NRXN1: variants seen among roughly 807,000 people sequenced by gnomAD.
NRXN1 encodes neurexin 1.
In NRXN1, 39 loss-of-function variants were observed where a neutral mutation model predicts 150.9. The ratio of observed to expected loss-of-function variants is 0.26; its 90% CI spans 0.20 to 0.34. The LOEUF (loss-of-function observed/expected upper bound fraction) is 0.34, where lower values mean the gene tolerates loss of function less well. NRXN1 is among the 10% of genes least tolerant of loss of function. The probability of loss-of-function intolerance (pLI) is 1.00; values close to 1 mark genes in which losing one functional copy is unlikely to be tolerated. For missense variants in NRXN1, 1,815 were observed against 1,949.9 expected, an observed-to-expected ratio of 0.93 and a Z score of 1.30; for synonymous variants, 924 against 757.0, an observed-to-expected ratio of 1.22 and a Z score of -3.62.
intron 18 of NRXN1, among the ~76,000 whole-genome samples, chr2:50,156,141 T>A (rs1332579911): frequency 1.3e-5 from 2 of 151,862 alleles, no homozygotes; most frequent in East Asian, 3.9e-4. Context: ...CATATTACTT[T>A]TGGAATAAAA....
Position 50,652,583 on chromosome 2 carries a change from T to C in NRXN1, c.833-28968A>G, listed in dbSNP as rs1286044549. Among the ~76,000 whole-genome samples the C allele has an allele frequency of 2.0e-5, 3 of 152,100 alleles. No homozygotes were observed. The East Asian group carries it at 5.8e-4, about 29-fold the overall frequency. On this transcript the variant is annotated intron_variant, in intron 5 of 22. Coordinates refer to ENST00000401669, the MANE Select transcript of NRXN1 (RefSeq NM_001330078.2). Reference sequence around the variant, plus strand: ...TATAGATATACTACATTTTGCTTGCTCACTCATCAGTTGATGCACATCTGT... The same window carrying C: ...TATAGATATACTACATTTTGCTTGCCCACTCATCAGTTGATGCACATCTGT...
intron 8 of NRXN1, among the ~76,000 whole-genome samples, chr2:50,566,650 T>C (rs974755941): frequency 2.0e-5 from 3 of 152,154 alleles, no homozygotes; most frequent in African/African-American, 7.2e-5. Context: ...CTACGTCTCA[T>C]GACAGTCTTA....
chr2:50,107,800 T>C (rs1244895612), intron 18 of NRXN1, among the ~76,000 whole-genome samples: 1 of 151,880 alleles, frequency 6.6e-6, no homozygotes, highest in Non-Finnish European at 1.5e-5. Context: ...TCAATGACCA[T>C]TTGCTATGTT....
chr2:50,645,918 A>G (rs74466633), intron 5 of NRXN1, among the ~76,000 whole-genome samples: 1 of 151,898 alleles, frequency 6.6e-6, no homozygotes, highest in African/African-American at 2.4e-5. Flanking sequence ...ATTCAATTAC[A>G]TTCGTTTAAA....
chr2:50,779,311 G>A (rs568358268), intron 5 of NRXN1, among the ~76,000 whole-genome samples: 2 of 152,146 alleles, frequency 1.3e-5, no homozygotes, highest in South Asian at 2.1e-4. Flanking sequence ...GAGAATGATG[G>A]TTTTTCAGTT....
intron 21 of NRXN1, among the ~76,000 whole-genome samples, chr2:49,960,436 C>G (rs557970230): frequency 2.0e-5 from 3 of 152,294 alleles, no homozygotes; most frequent in Non-Finnish European, 4.4e-5. Context: ...AATTTCAACA[C>G]TAATCATTTT....
intron 5 of NRXN1, among the ~76,000 whole-genome samples, chr2:50,698,138 T>C (rs1693200841): frequency 6.6e-6 from 1 of 152,348 alleles, no homozygotes; most frequent in East Asian, 1.9e-4. Flanking sequence ...CATGGTCTTG[T>C]TTGTCCTGTA....
chr2:50,343,437 T>A (rs1219248898), intron 17 of NRXN1, among the ~76,000 whole-genome samples: 1 of 151,788 alleles, frequency 6.6e-6, no homozygotes, highest in Non-Finnish European at 1.5e-5. Flanking sequence ...TCATTTACAG[T>A]CACACAGTTC....
intron 2 of NRXN1, chr2:50,963,976 T>C (rs937486589): frequency 2.3e-6 from 1 of 443,120 alleles, no homozygotes. Flanking sequence ...ACATATGTCA[T>C]TGTCCTTCTC....
intron 5 of NRXN1, among the ~76,000 whole-genome samples, chr2:50,665,594 G>A (rs1043886175): frequency 5.9e-5 from 9 of 151,880 alleles, no homozygotes; most frequent in African/African-American, 1.9e-4. Context: ...CTCTTCAACC[G>A]ACTCTGCAAA....
chr2:50,870,528 C>A (rs778715363), intron 5 of NRXN1, among the ~76,000 whole-genome samples: 2 of 151,948 alleles, frequency 1.3e-5, no homozygotes, highest in African/African-American at 4.8e-5. Flanking sequence ...TACAGCTCTG[C>A]ATTTGCAACT....
chr2:50,913,022 A>T (rs1343707050), intron 5 of NRXN1: 1 of 151,878 alleles, frequency 6.6e-6, no homozygotes, highest in African/African-American at 2.4e-5. Context: ...GGTCACTGAA[A>T]GTACCGATGG....
In NRXN1 at chr2:49,921,853, G is replaced by T; in HGVS notation, c.*91C>A. 7.7e-7 allele frequency: 1 copy of T among 1,303,084 alleles called. No homozygotes were observed. Among genetic ancestry groups the T allele is most frequent in the Non-Finnish European group, 1.1e-6 (1 of 927,110 alleles). 80.7% of individuals were successfully genotyped at this position (1,303,084 alleles called of 1,614,324 possible). ...GCATTCCCTGTCTTCTTTTGTATGT[G>T]CTTCATAAAAAGGAAAGTAAATAAG... On this transcript the variant is annotated 3_prime_UTR_variant, in exon 23 of 23. Transcript: ENST00000401669.
At chr2:50,427,406 T>A in intron 17 of NRXN1, among the ~76,000 whole-genome samples, 1 of 150,694 alleles carries the variant, frequency 6.6e-6, no homozygotes, top group East Asian at 2.0e-4. Flanking sequence ...AACTCATCCA[T>A]ATCTCTCGCC....
chr2:51,015,213 C>G (rs751660974), intron 2 of NRXN1, among the ~76,000 whole-genome samples: 1 of 151,990 alleles, frequency 6.6e-6, no homozygotes, highest in Non-Finnish European at 1.5e-5. Flanking sequence ...ATCACAAATA[C>G]TCTTTTTCTC....
intron 5 of NRXN1, among the ~76,000 whole-genome samples, chr2:50,899,562 A>C (rs1373156814): frequency 2.0e-5 from 3 of 152,124 alleles, no homozygotes; most frequent in African/African-American, 7.2e-5. Context: ...AGATTACCAG[A>C]GAGAAAATTT....
At chr2:49,998,681 A>G (rs1683400026) in intron 21 of NRXN1, among the ~76,000 whole-genome samples, 1 of 152,192 alleles carries the variant, frequency 6.6e-6, no homozygotes, top group Non-Finnish European at 1.5e-5. Context: ...TTTAAAAAAA[A>G]TAATGTCATG....
intron 5 of NRXN1, among the ~76,000 whole-genome samples, chr2:50,717,330 C>T (rs904431602): frequency 8.5e-5 from 13 of 152,248 alleles, no homozygotes; most frequent in Middle Eastern, 3.4e-3. Context: ...CATCACACTA[C>T]ATGTACTTCC....
chr2:50,290,672 A>G (rs562936673), intron 17 of NRXN1, among the ~76,000 whole-genome samples: 1 of 152,256 alleles, frequency 6.6e-6, no homozygotes, highest in African/African-American at 2.4e-5. Flanking sequence ...AGAGGACTGG[A>G]GGGGGCTGTT....
Sources: gnomAD v4.1 joint callset for allele counts (sites outside exome capture counted in the v4.1 genomes callset) on GRCh38, gnomAD v4.1.1 for gene constraint, MANE v1.5 for transcripts, NCBI Gene and HGNC (gene_info 2026-07-23, HGNC 2026-07-21) for gene names.